PCDHGA10: variants seen among roughly 807,000 people sequenced by gnomAD.
PCDHGA10 encodes protocadherin gamma subfamily A, 10.
Under a neutral mutation model 59.5 loss-of-function variants are expected in PCDHGA10, and 42 were observed. That is an observed-to-expected ratio of 0.71 (90% CI 0.55 to 0.91). The LOEUF (loss-of-function observed/expected upper bound fraction) is 0.91. Among genes scored for constraint, PCDHGA10 ranks in the 40% least tolerant of loss-of-function variants. PCDHGA10 has a pLI of 0.00. For missense variants in PCDHGA10, 1,111 were observed against 1,198.2 expected (o/e 0.93, Z 1.07); for synonymous variants, 511 against 517.2 (o/e 0.99, Z 0.16).
chr5:141,431,867 A>C lies in PCDHGA10; in HGVS notation c.2436+16256A>C. On this transcript the variant is annotated intron_variant, in intron 1 of 3. Transcript: ENST00000398610. The surrounding 1 kb of genome is among the most constrained non-coding windows in gnomAD (Gnocchi z 4.8). ...CAGAGGGACATTAATTGCCCTTTTA[A>C]ATGTAAATGACCAAGATTCTGAGGA... 6.2e-7 allele frequency: 1 copy of C among 1,614,226 alleles called. No individual in the cohort carries two copies. Among genetic ancestry groups the C allele is most frequent in the Non-Finnish European group, 8.5e-7 (1 of 1,180,024 alleles).
In PCDHGA10 at chr5:141,431,150, C is replaced by A. The variant is rs1007532359; in HGVS notation, c.2436+15539C>A. On this transcript the variant is annotated intron_variant, in intron 1 of 3. Transcript: ENST00000398610. The surrounding 1 kb of genome is among the most constrained non-coding windows in gnomAD (Gnocchi z 4.8). ...AGTAAGGGACATTAACGACAATGCGCCTTACTTTCGTGAAAGTGAATTAGA... is the reference window on the plus strand; with the variant it reads ...AGTAAGGGACATTAACGACAATGCGACTTACTTTCGTGAAAGTGAATTAGA... The A allele has an allele frequency of 1.2e-6, 2 of 1,614,226 alleles. No individual in the cohort carries two copies. The highest frequency in any genetic ancestry group is 1.7e-6 in the Non-Finnish European group (2 of 1,180,030).
At chr5:141,447,433 C>T (rs756021616) in intron 1 of PCDHGA10, among the ~76,000 whole-genome samples, 5 of 152,118 alleles carry the variant, frequency 3.3e-5, no homozygotes, top group African/African-American at 7.2e-5. Context: ...CCACCGCACC[C>T]GGAGGAAATT....
At chr5:141,451,127 CT>C (rs1264048458) in intron 1 of PCDHGA10, among the ~76,000 whole-genome samples, 1 of 152,132 alleles carries the variant, frequency 6.6e-6, no homozygotes, top group Non-Finnish European at 1.5e-5. Context: ...CACACCCAGC[CT>C]TATGATTGTA....
At chr5:141,429,196 A>T (rs2097195436) in intron 1 of PCDHGA10, 2 of 151,994 alleles carry the variant, frequency 1.3e-5, no homozygotes, top group African/African-American at 4.8e-5. Context: ...ACACACACAC[A>T]CACACACACG....
In PCDHGA10 at chr5:141,430,843, C is replaced by T. The variant is rs1370427603; in HGVS notation, c.2436+15232C>T. 2.6e-6 allele frequency: 4 copies of T among 1,568,356 alleles called. No homozygotes were observed. The African/African-American group carries it at 4.1e-5, about 16-fold the overall frequency. On this transcript the variant is annotated intron_variant, in intron 1 of 3. Coordinates refer to ENST00000398610, the MANE Select transcript of PCDHGA10 (RefSeq NM_018913.3). ...TGGGGACTCTGTGGGAGACCGGATG[C>T]ACCCAGATACGCTATTCAGTTCCGG...
chr5:141,447,919 C>G (rs940570932), intron 1 of PCDHGA10, among the ~76,000 whole-genome samples: 2 of 152,012 alleles, frequency 1.3e-5, no homozygotes, highest in East Asian at 1.9e-4. Context: ...AACTCTGTCT[C>G]CACTAAAAAT....
At chr5:141,438,591 C>CATACATAT (rs1228520343) in intron 1 of PCDHGA10, among the ~76,000 whole-genome samples, 2 of 75,562 alleles carry the variant, frequency 2.6e-5, no homozygotes, top group African/African-American at 4.5e-5. Context: ...TACATACATA[C>CATACATAT]ATATATATAT....
intron 1 of PCDHGA10, chr5:141,422,633 G>A (rs769515606): frequency 1.9e-6 from 3 of 1,613,120 alleles, no homozygotes; most frequent in Non-Finnish European, 2.5e-6. Flanking sequence ...AACCCCAGGG[G>A]TGCCTCCATC....
Position 141,491,589 on chromosome 5 carries a change from C to T in PCDHGA10, c.2437-3218C>T. 6.2e-7 allele frequency: 1 copy of T among 1,613,926 alleles called. No homozygotes were observed. The highest frequency in any genetic ancestry group is 8.5e-7 in the Non-Finnish European group (1 of 1,180,024). ...GGACGTGCTTTTCACCGGCCTCGGA[C>T]GGCAGTGACTTCACTTTTCTAAGAC... On this transcript the variant is annotated intron_variant, in intron 1 of 3. Transcript: ENST00000398610. This position sits in a 1 kb window ranked among gnomAD's most constrained non-coding sequence, Gnocchi z 6.9.
chr5:141,414,640 G>A lies in PCDHGA10; in HGVS notation c.1465G>A (p.Ala489Thr), dbSNP rs1035735674. Residue 489 changes from alanine to threonine, a missense_variant, in exon 1 of 4, where the codon GCC becomes ACC. Physicochemically the swap from Ala to Thr is moderately conservative, Grantham distance 58 (BLOSUM62 0). Transcript: ENST00000398610. The part of the protein sequence containing the change: ...TALDPDSKEN[A>T]QIIYSLAEDT... ...GCTGGACCCGGACAGCAAAGAGAAT[G>A]CCCAGATTATTTACTCCCTGGCTGA... 2 of 1,613,838 alleles carry A rather than the reference G, an allele frequency of 1.2e-6. No homozygotes were observed. The highest frequency in any genetic ancestry group is 1.7e-6 in the Non-Finnish European group (2 of 1,179,900).
intron 1 of PCDHGA10, chr5:141,420,411 T>C: frequency 8.1e-7 from 1 of 1,229,398 alleles, no homozygotes; most frequent in Non-Finnish European, 1.1e-6. Context: ...ATGGTTATCA[T>C]TATTAAAACA....
Position 141,490,760 on chromosome 5 carries a change from T to G in PCDHGA10, c.2437-4047T>G. 1 of 1,614,070 alleles carries G rather than the reference T, an allele frequency of 6.2e-7. No individual in the cohort carries two copies. On this transcript the variant is annotated intron_variant, in intron 1 of 3. Coordinates refer to ENST00000398610, the MANE Select transcript of PCDHGA10 (RefSeq NM_018913.3). This position sits in a 1 kb window ranked among gnomAD's most constrained non-coding sequence, Gnocchi z 5.4. Reference sequence around the variant, plus strand: ...CAGGGAGCCCCAGCCTCCTCCTTTGTGTATGTCAACCCAGAGGATGGACGG... The same window carrying G: ...CAGGGAGCCCCAGCCTCCTCCTTTGGGTATGTCAACCCAGAGGATGGACGG...
chr5:141,423,299 C>T (rs1225422770), intron 1 of PCDHGA10: 2 of 1,614,128 alleles, frequency 1.2e-6, no homozygotes, highest in Non-Finnish European at 1.7e-6. Context: ...TCAGACCTCT[C>T]GCTGTACTTG....
chr5:141,440,905 C>A (rs986711694), intron 1 of PCDHGA10: 1 of 152,184 alleles, frequency 6.6e-6, no homozygotes, highest in East Asian at 1.9e-4. Context: ...TGCATCCGGG[C>A]ACTCCTGTGC....
At chr5:141,415,863 GTGT>G in intron 1 of PCDHGA10, 1 of 1,107,154 alleles carries the variant, frequency 9.0e-7, no homozygotes, top group Non-Finnish European at 1.2e-6. Flanking sequence ...GTAGTTTATA[GTGT>G]TGTTGAGTAC....
In PCDHGA10 at chr5:141,486,890, G is replaced by T; in HGVS notation, c.2437-7917G>T. On this transcript the variant is annotated intron_variant, in intron 1 of 3. Coordinates refer to ENST00000398610, the MANE Select transcript of PCDHGA10 (RefSeq NM_018913.3). The surrounding 1 kb of genome is among the most constrained non-coding windows in gnomAD (Gnocchi z 5.0). ...TGTGCTCCGTCCTCGGGCCCGGCCT[G>T]GTTCCTTATGTCCCCAAGCACTGCC... 6.2e-7 allele frequency: 1 copy of T among 1,614,242 alleles called. No individual in the cohort carries two copies. The highest frequency in any genetic ancestry group is 8.5e-7 in the Non-Finnish European group (1 of 1,180,048).
At chr5:141,419,620 G>C in intron 1 of PCDHGA10, 1 of 1,612,304 alleles carries the variant, frequency 6.2e-7, no homozygotes, top group Non-Finnish European at 8.5e-7. Context: ...CAGGCTACCT[G>C]GTGACCAAGG....
intron 1 of PCDHGA10, chr5:141,420,098 A>G: frequency 6.2e-7 from 1 of 1,614,034 alleles, no homozygotes; most frequent in African/African-American, 1.3e-5. Flanking sequence ...CAGTGAGGGA[A>G]CGTTGCCCTA....
intron 1 of PCDHGA10, 127 bp downstream of exon 1, chr5:141,415,738 AGGTTTTTT>A: frequency 1.9e-6 from 1 of 538,082 alleles, no homozygotes; most frequent in Non-Finnish European, 2.7e-6. Flanking sequence ...ATGTTTATTA[AGGTTTTTT>A]TTTTTTTTTT....
Sources: allele counts gnomAD v4.1 joint callset (sites outside exome capture counted in the v4.1 genomes callset), GRCh38; gene constraint gnomAD v4.1.1; non-coding constraint Gnocchi (gnomAD v3.1); transcripts MANE v1.5; gene names NCBI Gene and HGNC (gene_info 2026-07-23, HGNC 2026-07-21).